Variants in MCTP1 observed in about 807,000 individuals in gnomAD.
The protein encoded by MCTP1 is multiple C2 and transmembrane domain-containing protein 1.
Under a neutral mutation model 120.6 loss-of-function variants are expected in MCTP1, and 69 were observed. That is an observed-to-expected ratio of 0.57 (90% CI 0.47 to 0.70). The LOEUF (loss-of-function observed/expected upper bound fraction) is 0.70. MCTP1 is among the 30% of genes least tolerant of loss of function. MCTP1 has a pLI of 0.00. For missense variants in MCTP1, 1,203 were observed against 1,248.8 expected (o/e 0.96, Z 0.55); for synonymous variants, 529 against 493.1 (o/e 1.07, Z -0.96).
chr5:94,760,864 T>TC (rs1443477458), intron 19 of MCTP1, among the ~76,000 whole-genome samples: 1 of 151,976 alleles, frequency 6.6e-6, no homozygotes, highest in Non-Finnish European at 1.5e-5. Context: ...TTTATATTTT[T>TC]CATAGAGACA....
intron 19 of MCTP1, among the ~76,000 whole-genome samples, chr5:94,739,759 G>C (rs986901458): frequency 6.6e-6 from 1 of 152,178 alleles, no homozygotes; most frequent in African/African-American, 2.4e-5. Flanking sequence ...CCACCTCCCA[G>C]GTTCAAGCAA....
At chr5:94,835,972 C>G (rs1313614457) in intron 17 of MCTP1, among the ~76,000 whole-genome samples, 1 of 151,954 alleles carries the variant, frequency 6.6e-6, no homozygotes, top group Non-Finnish European at 1.5e-5. Context: ...CCACTGCACT[C>G]CAGCCTGGGC....
At chr5:94,920,289 T>C (rs1227422484) in intron 7 of MCTP1, among the ~76,000 whole-genome samples, 1 of 149,832 alleles carries the variant, frequency 6.7e-6, no homozygotes, top group African/African-American at 2.5e-5. Context: ...TTTTTTTTTT[T>C]TGAGACTGTT....
chr5:94,809,078 A>G (rs939617233), intron 17 of MCTP1, among the ~76,000 whole-genome samples: 5 of 152,078 alleles, frequency 3.3e-5, no homozygotes, highest in African/African-American at 9.7e-5. Context: ...TGTGCTACAT[A>G]CAAGCCACAA....
Position 94,935,363 on chromosome 5 carries a change from A to G in MCTP1, c.1174-3372T>C, listed in dbSNP as rs566751043. On this transcript the variant is annotated intron_variant, in intron 5 of 22. Coordinates refer to ENST00000515393, the MANE Select transcript of MCTP1 (RefSeq NM_024717.7). ...AAGGAGAAATCATCCCAACTGCATAATTCATGGAACGTATTGTTACTATTA... is the reference window on the plus strand; with the variant it reads ...AAGGAGAAATCATCCCAACTGCATAGTTCATGGAACGTATTGTTACTATTA... Among the ~76,000 whole-genome samples the G allele has an allele frequency of 2.7e-3, 415 of 152,096 alleles. 3 individuals are homozygous for G. Among genetic ancestry groups the G allele is most frequent in the South Asian group, 3.1e-3 (15 of 4,828 alleles).
chr5:95,230,951 A>C (rs991593893), intron 1 of MCTP1, among the ~76,000 whole-genome samples: 1 of 152,156 alleles, frequency 6.6e-6, no homozygotes, highest in African/African-American at 2.4e-5. Flanking sequence ...GTTGCTCTTA[A>C]TAGAAGGAAC....
intron 1 of MCTP1, among the ~76,000 whole-genome samples, chr5:95,247,894 A>G (rs537364830): frequency 7.4e-4 from 113 of 152,274 alleles, no homozygotes; most frequent in Middle Eastern, 6.8e-3. Context: ...AGTTCTGTAG[A>G]TATCTATTAG....
chr5:94,784,801 A>T (rs976155505), intron 18 of MCTP1: 1 of 151,996 alleles, frequency 6.6e-6, no homozygotes, highest in Admixed American at 6.6e-5. Context: ...AAGAAGGCAG[A>T]ATAAAAAAAA....
intron 1 of MCTP1, among the ~76,000 whole-genome samples, chr5:95,038,408 G>T (rs1841738909): frequency 6.6e-6 from 1 of 152,158 alleles, no homozygotes; most frequent in Non-Finnish European, 1.5e-5. Context: ...TAATTTGAAT[G>T]CATAAATAAG....
intron 1 of MCTP1, among the ~76,000 whole-genome samples, chr5:95,201,460 A>G (rs1329330223): frequency 1.4e-5 from 2 of 143,426 alleles, no homozygotes; most frequent in African/African-American, 5.1e-5. Flanking sequence ...GTAAAGGAAA[A>G]GTGGTTTTTT....
chr5:95,086,254 C>T (rs751570298), intron 1 of MCTP1, among the ~76,000 whole-genome samples: 23 of 152,034 alleles, frequency 1.5e-4, no homozygotes, highest in Non-Finnish European at 2.9e-4. Flanking sequence ...GGCTATGTAC[C>T]CCCGTACAGT....
chr5:95,100,682 AC>A (rs1243984561), intron 1 of MCTP1, among the ~76,000 whole-genome samples: 3 of 152,120 alleles, frequency 2.0e-5, no homozygotes, highest in Non-Finnish European at 4.4e-5. Context: ...CACAGCTGAC[AC>A]CCCTGAGAGG....
Position 94,710,836 on chromosome 5 carries a change from ATC to A in MCTP1, c.2810_2811del (p.Arg937IlefsTer10). ...FTAILYCIPL[R>X]YIVLVWGINK... ...TACTTACCCCAGACAAGGACAATGT[ATC>A]TCAGCGGAATGCAGTACAGGATGGC... On this transcript the variant is annotated frameshift_variant, in exon 21 of 23. Transcript: ENST00000515393. LOFTEE classifies it high-confidence loss of function. 6.2e-7 allele frequency: 1 copy of A among 1,612,204 alleles called. No homozygotes were observed. Among genetic ancestry groups the A allele is most frequent in the Non-Finnish European group, 8.5e-7 (1 of 1,178,710 alleles).
chr5:94,940,354 A>G (rs1356205469), intron 4 of MCTP1, among the ~76,000 whole-genome samples, 159 bp from the exon 5 acceptor site: 1 of 151,412 alleles, frequency 6.6e-6, no homozygotes, highest in Non-Finnish European at 1.5e-5. Flanking sequence ...GTATTAAGTT[A>G]TCCAATAAAC....
chr5:95,140,693 TAAAAAAAAAAAAAAAAAAAAAA>T (rs35248317), intron 1 of MCTP1, among the ~76,000 whole-genome samples: 1 of 27,594 alleles, frequency 3.6e-5, no homozygotes, highest in Admixed American at 6.8e-4. Flanking sequence ...CTGTCCCTAC[TAAAAAAAAAAAAAAAAAAAAAA>T]AAAAAAAAAA....
In MCTP1 at chr5:95,212,176, A is replaced by G. The variant is rs182011997; in HGVS notation, c.720+71680T>C. 5.9e-3 allele frequency among the ~76,000 whole-genome samples: 898 copies of G among 152,328 alleles called. 4 individuals are homozygous for G. Among genetic ancestry groups the G allele is most frequent in the African/African-American group, 0.021 (868 of 41,578 alleles). On this transcript the variant is annotated intron_variant, in intron 1 of 22. Transcript: ENST00000515393. The stretch of plus-strand genomic sequence containing the variant: ...TCAAATAGACGCAATAAAAGATGAT[A>G]AAGGGGACATCACCACCAATCCCAC...
chr5:94,828,537 G>A (rs1787759873), intron 17 of MCTP1, among the ~76,000 whole-genome samples: 1 of 152,228 alleles, frequency 6.6e-6, no homozygotes, highest in Admixed American at 6.5e-5. Flanking sequence ...TTTTAAGTCT[G>A]CTTAAGCTGC....
In MCTP1 at chr5:94,967,352, A is replaced by G. The variant is rs147728917; in HGVS notation, c.839-13991T>C. ...CTTATTATATCAGCTATCACACACC[A>G]CGTAACAAGCCAATGTGATGAGTTC... On this transcript the variant is annotated intron_variant, in intron 2 of 22. Transcript: ENST00000515393. 2.2e-3 allele frequency among the ~76,000 whole-genome samples: 331 copies of G among 152,266 alleles called. 1 individual carries two copies. The highest frequency in any genetic ancestry group is 7.2e-3 in the African/African-American group (300 of 41,558).
chr5:94,863,995 A>G (rs996898482), intron 17 of MCTP1, among the ~76,000 whole-genome samples: 4 of 151,892 alleles, frequency 2.6e-5, no homozygotes, highest in Non-Finnish European at 4.4e-5. Context: ...AGCACAAATT[A>G]TCTGGAAGCA....
Sources: allele counts gnomAD v4.1 joint callset (sites outside exome capture counted in the v4.1 genomes callset), GRCh38; gene constraint gnomAD v4.1.1; transcripts MANE v1.5; gene names NCBI Gene and HGNC (gene_info 2026-07-23, HGNC 2026-07-21).